The following IGF2BP3 variants were observed in gnomAD, a reference collection of about 807,000 sequenced individuals.
The protein encoded by IGF2BP3 is insulin-like growth factor 2 mRNA-binding protein 3.
Under a neutral mutation model 73.8 loss-of-function variants are expected in IGF2BP3, and 9 were observed. That is an observed-to-expected ratio of 0.12 (90% CI 0.07 to 0.21). The LOEUF is 0.21. IGF2BP3 is among the 10% of genes least tolerant of loss of function. IGF2BP3 has a pLI of 1.00. For missense variants in IGF2BP3, 542 were observed against 714.0 expected (o/e 0.76, Z 2.75); for synonymous variants, 258 against 256.7 (o/e 1.01, Z -0.05).
At position 23,390,399 on chromosome 7, in the gene IGF2BP3, C is replaced by T. The variant is rs1361897074; in HGVS notation, c.285+28377G>A. 2.6e-5 allele frequency among the ~76,000 whole-genome samples: 4 copies of T among 152,180 alleles called. No individual in the cohort carries two copies. The East Asian group carries it at 7.7e-4, about 29-fold the overall frequency. On this transcript the variant is annotated intron_variant, in intron 3 of 14. Coordinates refer to ENST00000258729, the MANE Select transcript of IGF2BP3 (RefSeq NM_006547.3). ...AAGAAAAAAAAAAATCAGTTTGAAGCCAAAATACCAACTAAACAAGCGTAG... is the reference window on the plus strand; with the variant it reads ...AAGAAAAAAAAAAATCAGTTTGAAGTCAAAATACCAACTAAACAAGCGTAG...
At chr7:23,443,532 G>T (rs990892677) in intron 2 of IGF2BP3, among the ~76,000 whole-genome samples, 6 of 152,138 alleles carry the variant, frequency 3.9e-5, no homozygotes, top group Non-Finnish European at 8.8e-5. Flanking sequence ...CAGGTGTGGT[G>T]GCATGCACCT....
At chr7:23,348,861 T>G (rs1784894886) in intron 6 of IGF2BP3, among the ~76,000 whole-genome samples, 1 of 152,200 alleles carries the variant, frequency 6.6e-6, no homozygotes, top group African/African-American at 2.4e-5. Flanking sequence ...GAAGAGATGG[T>G]TAAATAACAG....
At chr7:23,394,908 C>T (rs1170367031) in intron 3 of IGF2BP3, among the ~76,000 whole-genome samples, 2 of 152,192 alleles carry the variant, frequency 1.3e-5, no homozygotes, top group African/African-American at 4.8e-5. Flanking sequence ...TTCAGCTGGG[C>T]AACTTCAAGT....
intron 3 of IGF2BP3, among the ~76,000 whole-genome samples, chr7:23,401,074 G>C (rs942174545): frequency 6.6e-6 from 1 of 152,192 alleles, no homozygotes; most frequent in African/African-American, 2.4e-5. Context: ...TGGAATTACA[G>C]GTGTGAGCTA....
At chr7:23,456,342 G>A (rs4304239) in intron 2 of IGF2BP3, among the ~76,000 whole-genome samples, 58,180 of 151,836 alleles carry the variant, frequency 0.38, 11,995 homozygotes, top group African/African-American at 0.52. Flanking sequence ...CTGCCCTGCT[G>A]GGACCAAAAG....
intron 3 of IGF2BP3, among the ~76,000 whole-genome samples, chr7:23,364,547 C>CAAAAAA (rs34795303): frequency 7.4e-5 from 3 of 40,352 alleles, no homozygotes; most frequent in African/African-American, 2.0e-4. Context: ...GACTTTGTGT[C>CAAAAAA]AAAAAAAAAA....
At chr7:23,434,625 C>T (rs1381305083) in intron 2 of IGF2BP3, among the ~76,000 whole-genome samples, 1 of 152,212 alleles carries the variant, frequency 6.6e-6, no homozygotes, top group Non-Finnish European at 1.5e-5. Context: ...ATTCCTCATC[C>T]TAGGTAACTC....
intron 2 of IGF2BP3, among the ~76,000 whole-genome samples, chr7:23,422,375 G>A (rs930404179): frequency 4.6e-5 from 7 of 152,176 alleles, no homozygotes; most frequent in African/African-American, 1.2e-4. Flanking sequence ...GGGGGCCAAG[G>A]TGGGAGGAGT....
chr7:23,452,054 G>C (rs1174122373), intron 2 of IGF2BP3, among the ~76,000 whole-genome samples: 1 of 150,548 alleles, frequency 6.6e-6, no homozygotes, highest in African/African-American at 2.4e-5. Context: ...ACCAAGGCTG[G>C]AGCACAGTGG....
At chr7:23,337,589 T>C (rs1480856621) in intron 10 of IGF2BP3, among the ~76,000 whole-genome samples, 1 of 152,238 alleles carries the variant, frequency 6.6e-6, no homozygotes, top group Non-Finnish European at 1.5e-5. Context: ...CCAGCTTCTC[T>C]TGCAGCTAGA....
Position 23,419,111 on chromosome 7 carries a change from C to G in IGF2BP3, c.237-287G>C, listed in dbSNP as rs151056249. On this transcript the variant is annotated intron_variant, in intron 2 of 14. Transcript: ENST00000258729. ...AACACACTTATCTGATGACTACATT[C>G]TAAGTTCAAATCCGTTAGCTTCAAA... Among the ~76,000 whole-genome samples the G allele has an allele frequency of 6.6e-5, 10 of 152,310 alleles. No individual in the cohort carries two copies. In the East Asian group the frequency reaches 1.7e-3, roughly 26 times the overall value.
chr7:23,452,581 A>G (rs906541737), intron 2 of IGF2BP3, among the ~76,000 whole-genome samples: 3 of 152,006 alleles, frequency 2.0e-5, no homozygotes, highest in African/African-American at 7.2e-5. Context: ...AGACGGGTGA[A>G]TCACGAGGTC....
At chr7:23,336,777 G>A (rs992048925) in intron 10 of IGF2BP3, among the ~76,000 whole-genome samples, 7 of 152,082 alleles carry the variant, frequency 4.6e-5, no homozygotes, top group East Asian at 1.9e-4. Context: ...GTAAAACCCT[G>A]TCTCTAATAA....
intron 2 of IGF2BP3, among the ~76,000 whole-genome samples, chr7:23,428,730 G>GA (rs576484578): frequency 2.1e-4 from 27 of 129,062 alleles, no homozygotes; most frequent in Non-Finnish European, 3.4e-4. Context: ...TTTTTAGGGG[G>GA]AAAAAAAAAA....
intron 2 of IGF2BP3, chr7:23,450,639 C>G (rs74777608): frequency 6.6e-6 from 1 of 152,174 alleles, no homozygotes; most frequent in Non-Finnish European, 1.5e-5. Context: ...TGAAACTAGA[C>G]TTTAAAAAAA....
intron 10 of IGF2BP3, among the ~76,000 whole-genome samples, chr7:23,321,423 C>G (rs937812963): frequency 6.6e-6 from 1 of 151,262 alleles, no homozygotes; most frequent in South Asian, 2.1e-4. Flanking sequence ...GAGGGTCGTA[C>G]GCCCACGGAG....
chr7:23,396,277 G>A (rs758508785), intron 3 of IGF2BP3, among the ~76,000 whole-genome samples: 31 of 151,672 alleles, frequency 2.0e-4, no homozygotes, highest in Non-Finnish European at 3.4e-4. Context: ...AGGGAGGGGT[G>A]CACACCTATA....
At chr7:23,411,438 C>T (rs184742121) in intron 3 of IGF2BP3, among the ~76,000 whole-genome samples, 94 of 152,156 alleles carry the variant, frequency 6.2e-4, no homozygotes, top group African/African-American at 2.1e-3. Context: ...AAAAATTATC[C>T]GGGCGTGGTG....
At chr7:23,346,089 T>C in intron 7 of IGF2BP3, 27 bp from the exon 8 acceptor site, 3 of 1,593,672 alleles carry the variant, frequency 1.9e-6, no homozygotes, top group South Asian at 1.1e-5. Flanking sequence ...GGCCATAAAA[T>C]TAGAATAAGT....
Sources: gnomAD v4.1 joint callset for allele counts (sites outside exome capture counted in the v4.1 genomes callset) on GRCh38, gnomAD v4.1.1 for gene constraint, MANE v1.5 for transcripts, NCBI Gene and HGNC (gene_info 2026-07-23, HGNC 2026-07-21) for gene names.